Variants in LHCGR observed in about 807,000 individuals in gnomAD.
LHCGR encodes the protein lutropin-choriogonadotropic hormone receptor.
Under a neutral mutation model 60.7 loss-of-function variants are expected in LHCGR, and 55 were observed. The ratio of observed to expected loss-of-function variants is 0.91; its 90% CI spans 0.73 to 1.13. The LOEUF (loss-of-function observed/expected upper bound fraction) is 1.13, where lower values mean the gene tolerates loss of function less well. Among genes scored for constraint, LHCGR ranks in the 50% most tolerant of loss-of-function variants. The pLI is 0.00. For missense variants in LHCGR, 862 were observed against 836.0 expected, an observed-to-expected ratio of 1.03 and a Z score of -0.38; for synonymous variants, 337 against 316.5, an observed-to-expected ratio of 1.06 and a Z score of -0.69.
chr2:48,725,234 T>A (rs1464818134), intron 4 of LHCGR, among the ~76,000 whole-genome samples: 1 of 152,186 alleles, frequency 6.6e-6, no homozygotes, highest in Non-Finnish European at 1.5e-5. Flanking sequence ...TAAAAAGTTT[T>A]CATTTAATGA....
At chr2:48,708,722 CATCT>C (rs1667825903) in intron 8 of LHCGR, 5 of 599,226 alleles carry the variant, frequency 8.3e-6, no homozygotes, top group Non-Finnish European at 9.0e-6. Context: ...TGATTTTGGA[CATCT>C]AGCTTCCAGA....
At chr2:48,693,180 C>A (rs983571600) in intron 10 of LHCGR, among the ~76,000 whole-genome samples, 3 of 152,162 alleles carry the variant, frequency 2.0e-5, no homozygotes, top group African/African-American at 7.2e-5. Context: ...AAGAAAAGGC[C>A]ACTGGAGGAT....
At chr2:48,730,931 G>T (rs1668958913) in intron 2 of LHCGR, among the ~76,000 whole-genome samples, 1 of 152,112 alleles carries the variant, frequency 6.6e-6, no homozygotes, top group South Asian at 2.1e-4. Context: ...AGCAGAAGGA[G>T]AATTTTTATG....
intron 6 of LHCGR, among the ~76,000 whole-genome samples, chr2:48,723,233 C>G (rs754463127): frequency 6.6e-6 from 1 of 152,198 alleles, no homozygotes; most frequent in Non-Finnish European, 1.5e-5. Flanking sequence ...TAAAAATCCT[C>G]AGGGCCTGTT....
At chr2:48,747,315 C>G (rs1669752790) in intron 1 of LHCGR, among the ~76,000 whole-genome samples, 1 of 152,138 alleles carries the variant, frequency 6.6e-6, no homozygotes, top group Non-Finnish European at 1.5e-5. Context: ...TGGTCTCAAA[C>G]TCCTGACCTC....
At position 48,730,711 on chromosome 2, in the gene LHCGR, T is replaced by C. The variant is rs1284974837; in HGVS notation, c.233+516A>G. On this transcript the variant is annotated intron_variant, in intron 2 of 10. Transcript: ENST00000294954. ...CCAGAAACAAATGATCGAAGTTATG[T>C]CTGACAAACATGAGATCATACTGCA... 2.6e-5 allele frequency among the ~76,000 whole-genome samples: 4 copies of C among 152,358 alleles called. No individual in the cohort carries two copies. In the East Asian group the frequency reaches 5.8e-4, roughly 22 times the overall value.
At chr2:48,754,081 C>T (rs1314711411) in intron 1 of LHCGR, among the ~76,000 whole-genome samples, 1 of 152,086 alleles carries the variant, frequency 6.6e-6, no homozygotes, top group East Asian at 1.9e-4. Context: ...ACTTGGAAGG[C>T]CTGTTGCATG....
intron 6 of LHCGR, among the ~76,000 whole-genome samples, chr2:48,715,833 C>T (rs1205577161): frequency 6.6e-6 from 1 of 152,146 alleles, no homozygotes; most frequent in African/African-American, 2.4e-5. Context: ...CAAAATAATT[C>T]TTAAGTCTCC....
chr2:48,741,083 G>T (rs1156280662), intron 1 of LHCGR, among the ~76,000 whole-genome samples: 7 of 152,304 alleles, frequency 4.6e-5, no homozygotes, highest in Non-Finnish European at 8.8e-5. Context: ...CTGGAAGAAA[G>T]GGTATCAGCG....
intron 1 of LHCGR, among the ~76,000 whole-genome samples, chr2:48,743,593 C>T (rs1353026590): frequency 6.6e-6 from 1 of 152,066 alleles, no homozygotes; most frequent in African/African-American, 2.4e-5. Flanking sequence ...AGACAAAAAC[C>T]ACATGATTAT....
chr2:48,739,538 C>A (rs557193099), intron 1 of LHCGR, among the ~76,000 whole-genome samples: 88 of 152,214 alleles, frequency 5.8e-4, no homozygotes, highest in Non-Finnish European at 1.1e-3. Flanking sequence ...TGGAAAGCAT[C>A]ATTCTCAGCA....
chr2:48,702,427 C>T (rs964658212), intron 8 of LHCGR, among the ~76,000 whole-genome samples: 2 of 152,056 alleles, frequency 1.3e-5, no homozygotes, highest in Admixed American at 6.5e-5. Context: ...GCCCACCCGC[C>T]GACAGGCCCT....
At position 48,708,932 on chromosome 2, in the gene LHCGR, G is replaced by A. The variant is rs767115960; in HGVS notation, c.680+16C>T. 3 of 1,608,212 alleles carry A rather than the reference G, an allele frequency of 1.9e-6. No individual in the cohort carries two copies. The highest frequency in any genetic ancestry group is 2.6e-6 in the Non-Finnish European group (3 of 1,174,820). On this transcript the variant is annotated intron_variant, in intron 8 of 10. Coordinates refer to ENST00000294954, the MANE Select transcript of LHCGR (RefSeq NM_000233.4). Reference sequence around the variant, plus strand: ...GTACACTGGGCAGGGAGGGGAGGCAGCACCATTCTACTCACAAGGTTTTCG... The same window carrying A: ...GTACACTGGGCAGGGAGGGGAGGCAACACCATTCTACTCACAAGGTTTTCG...
chr2:48,697,310 C>T (rs895676351), intron 9 of LHCGR, among the ~76,000 whole-genome samples: 1 of 152,230 alleles, frequency 6.6e-6, no homozygotes, highest in South Asian at 2.1e-4. Flanking sequence ...TTAACAAACT[C>T]TTGTTCAGTG....
intron 3 of LHCGR, among the ~76,000 whole-genome samples, chr2:48,728,526 C>T (rs912062500): frequency 3.9e-5 from 6 of 152,100 alleles, no homozygotes; most frequent in African/African-American, 7.2e-5. Context: ...CACTAACTTG[C>T]GGTGTGATGT....
At chr2:48,694,609 C>A (rs1667027270) in intron 9 of LHCGR, among the ~76,000 whole-genome samples, 2 of 152,138 alleles carry the variant, frequency 1.3e-5, no homozygotes, top group African/African-American at 4.8e-5. Context: ...CTAAAAGCTA[C>A]TTTTATGATA....
In LHCGR at chr2:48,695,693, A is replaced by G. The variant is rs148996852; in HGVS notation, c.867-1389T>C. Among the ~76,000 whole-genome samples the G allele has an allele frequency of 1.8e-4, 27 of 152,294 alleles. No homozygotes were observed. The East Asian group carries it at 5.0e-3, about 28-fold the overall frequency. ...TAAAGAAAATGTGGTACATATATAC[A>G]ATGTAATTCTATGCAGCCATAAAAA... On this transcript the variant is annotated intron_variant, in intron 9 of 10. Coordinates refer to ENST00000294954, the MANE Select transcript of LHCGR (RefSeq NM_000233.4).
intron 9 of LHCGR, among the ~76,000 whole-genome samples, chr2:48,696,113 T>A (rs1490205512): frequency 6.6e-6 from 1 of 152,232 alleles, no homozygotes; most frequent in Non-Finnish European, 1.5e-5. Context: ...TCTTATTTCT[T>A]CTCTCCTCAT....
chr2:48,716,887 C>T (rs1317686548), intron 6 of LHCGR, among the ~76,000 whole-genome samples: 3 of 152,146 alleles, frequency 2.0e-5, no homozygotes, highest in Non-Finnish European at 2.9e-5. Context: ...CCTGGAGTTG[C>T]TTGTCAAAAA....
Sources: allele counts gnomAD v4.1 joint callset (sites outside exome capture counted in the v4.1 genomes callset), GRCh38; gene constraint gnomAD v4.1.1; transcripts MANE v1.5; gene names NCBI Gene and HGNC (gene_info 2026-07-23, HGNC 2026-07-21).